OTOGL: variants seen among roughly 807,000 people sequenced by gnomAD.
OTOGL encodes otogelin like.
In OTOGL, 285 loss-of-function variants were observed where a neutral mutation model predicts 318.5. The observed-to-expected ratio is 0.89, with a 90% CI of 0.81 to 0.99. OTOGL has a LOEUF of 0.99. Ranked by LOEUF, OTOGL falls within the 50% of genes least tolerant of loss-of-function variation. The pLI is 0.00. For synonymous variants in OTOGL, 987 were observed against 936.5 expected, an observed-to-expected ratio of 1.05 and a Z score of -0.99; for missense variants, 2,899 against 2,845.6, an observed-to-expected ratio of 1.02 and a Z score of -0.43.
intron 9 of OTOGL, 66 bp downstream of exon 9, chr12:80,233,163 T>A: frequency 7.2e-7 from 1 of 1,394,650 alleles, no homozygotes; most frequent in Non-Finnish European, 9.6e-7. Context: ...ACCAAGTTGT[T>A]TGTACCCAGA....
chr12:80,305,813 A>G, intron 29 of OTOGL, 118 bp downstream of exon 29: 2 of 857,466 alleles, frequency 2.3e-6, no homozygotes, highest in African/African-American at 1.7e-5. Context: ...ATAGTAATTT[A>G]TAGCTGATAA....
At chr12:80,315,492 A>G (rs1032785404) in intron 32 of OTOGL, among the ~76,000 whole-genome samples, 1 of 152,156 alleles carries the variant, frequency 6.6e-6, no homozygotes, top group Admixed American at 6.6e-5. Context: ...AATCTATTTA[A>G]TGAGGAAGGC....
rs1474647832 is a variant in OTOGL, at chr12:80,139,188, A to C, written c.-20+39583A>C. Among the ~76,000 whole-genome samples, 3 of 152,296 alleles carry C rather than the reference A, an allele frequency of 2.0e-5. No homozygotes were observed. The East Asian group carries it at 5.8e-4, about 29-fold the overall frequency. ...TGACCTTGGAGATGGCAGCTCCTTGATCATGGCGGGTGAAGCAGCTGCTTT... is the reference window on the plus strand; with the variant it reads ...TGACCTTGGAGATGGCAGCTCCTTGCTCATGGCGGGTGAAGCAGCTGCTTT... On this transcript the variant is annotated intron_variant, in intron 1 of 58. Transcript: ENST00000547103.
intron 7 of OTOGL, 80 bp downstream of exon 7, chr12:80,222,325 T>C: frequency 7.7e-7 from 1 of 1,300,990 alleles, no homozygotes; most frequent in Non-Finnish European, 1.0e-6. Flanking sequence ...GGGAAAATGA[T>C]GCAAAATATA....
At chr12:80,288,160 C>G (rs1021890422) in intron 26 of OTOGL, among the ~76,000 whole-genome samples, 1 of 151,982 alleles carries the variant, frequency 6.6e-6, no homozygotes, top group African/African-American at 2.4e-5. Context: ...CTTATGAAGC[C>G]TAGTTTGGCT....
intron 13 of OTOGL, 122 bp downstream of exon 13, chr12:80,252,323 C>A (rs903944344): frequency 8.8e-7 from 1 of 1,132,300 alleles, no homozygotes; most frequent in Non-Finnish European, 1.2e-6. Flanking sequence ...ATTTTCTGTT[C>A]TTGTAGAAGT....
At chr12:80,143,596 T>A (rs1872098289) in intron 1 of OTOGL, among the ~76,000 whole-genome samples, 1 of 152,164 alleles carries the variant, frequency 6.6e-6, no homozygotes, top group African/African-American at 2.4e-5. Context: ...CTTGCATTGC[T>A]GAGTGCTGGG....
chr12:80,209,756 A>G (rs1877101976), intron 2 of OTOGL, among the ~76,000 whole-genome samples: 1 of 152,142 alleles, frequency 6.6e-6, no homozygotes, highest in Non-Finnish European at 1.5e-5. Flanking sequence ...ATGCAATTGT[A>G]CTAGAACCTT....
At chr12:80,314,930 G>A (rs1041921733) in intron 32 of OTOGL, among the ~76,000 whole-genome samples, 1 of 152,072 alleles carries the variant, frequency 6.6e-6, no homozygotes, top group Non-Finnish European at 1.5e-5. Context: ...GCAACAACAC[G>A]GATGAACCTA....
chr12:80,278,383 C>T (rs1883967217), intron 25 of OTOGL, 108 bp downstream of exon 25: 2 of 899,816 alleles, frequency 2.2e-6, no homozygotes, highest in South Asian at 3.4e-5. Flanking sequence ...TAAATCAAGC[C>T]TCAGCAAATA....
chr12:80,304,190 G>A (rs1333815107), intron 28 of OTOGL, among the ~76,000 whole-genome samples: 1 of 152,146 alleles, frequency 6.6e-6, no homozygotes, highest in Non-Finnish European at 1.5e-5. Flanking sequence ...TTGTGTGGAT[G>A]TACCACACAA....
chr12:80,323,384 C>T (rs1405099834), intron 34 of OTOGL, among the ~76,000 whole-genome samples: 1 of 152,170 alleles, frequency 6.6e-6, no homozygotes, highest in East Asian at 1.9e-4. Context: ...TGCAGTGGCT[C>T]ACACCTGTAA....
intron 33 of OTOGL, 34 bp from the exon 34 acceptor site, chr12:80,320,386 TTC>T (rs1359547257): frequency 1.3e-6 from 2 of 1,552,686 alleles, no homozygotes; most frequent in Non-Finnish European, 1.7e-6. Context: ...ATGATCTTCC[TTC>T]TCCTGAGAAT....
intron 35 of OTOGL, 133 bp from the exon 36 acceptor site, chr12:80,328,532 G>A (rs1887849264): frequency 3.0e-6 from 2 of 657,930 alleles, no homozygotes; most frequent in African/African-American, 1.8e-5. Context: ...TGGAGCAGTT[G>A]TTAGTGCTTG....
chr12:80,233,316 C>A (rs1368811924), intron 9 of OTOGL, among the ~76,000 whole-genome samples: 1 of 152,226 alleles, frequency 6.6e-6, no homozygotes, highest in Non-Finnish European at 1.5e-5. Flanking sequence ...GCATGAAGCA[C>A]TTACTCACAT....
At chr12:80,337,090 G>T (rs985053606) in intron 42 of OTOGL, 86 bp downstream of exon 42, 2 of 981,878 alleles carry the variant, frequency 2.0e-6, no homozygotes, top group East Asian at 5.2e-5. Context: ...GGAAAATTAA[G>T]CATATCAATG....
chr12:80,123,455 C>G (rs1870612479), intron 1 of OTOGL, among the ~76,000 whole-genome samples: 1 of 152,128 alleles, frequency 6.6e-6, no homozygotes. Flanking sequence ...TGGGTTGGTT[C>G]CAAGTCTTTG....
chr12:80,121,785 G>T (rs1198455702), intron 1 of OTOGL, among the ~76,000 whole-genome samples: 2 of 152,132 alleles, frequency 1.3e-5, no homozygotes, highest in South Asian at 2.1e-4. Context: ...GAGGTTCTTC[G>T]TGGGTTTATG....
intron 29 of OTOGL, among the ~76,000 whole-genome samples, chr12:80,307,608 G>C (rs1179179575): frequency 7.2e-6 from 1 of 138,186 alleles, no homozygotes; most frequent in African/African-American, 2.7e-5. Context: ...CTGGCTGGGC[G>C]GGGGGCTGAC....
Sources: allele counts gnomAD v4.1 joint callset (sites outside exome capture counted in the v4.1 genomes callset), GRCh38; gene constraint gnomAD v4.1.1; transcripts MANE v1.5; gene names NCBI Gene and HGNC (gene_info 2026-07-23, HGNC 2026-07-21).